The following PPP6R2 variants were observed in gnomAD, a reference collection of about 807,000 sequenced individuals.
The protein encoded by PPP6R2 is protein phosphatase 6 regulatory subunit 2.
Under a neutral mutation model 100.2 loss-of-function variants are expected in PPP6R2, and 62 were observed. The ratio of observed to expected loss-of-function variants is 0.62; its 90% confidence interval spans 0.50 to 0.76. The LOEUF (loss-of-function observed/expected upper bound fraction) is 0.76. Among genes scored for constraint, PPP6R2 ranks in the 30% least tolerant of loss-of-function variants. The pLI is 0.00. For synonymous variants in PPP6R2, 525 were observed against 514.7 expected (o/e 1.02, Z -0.27); for missense variants, 1,142 against 1,276.3 (o/e 0.89, Z 1.60).
chr22:50,351,039 T>G (rs28822092), intron 1 of PPP6R2, among the ~76,000 whole-genome samples: 35,572 of 104,810 alleles, frequency 0.34, 5,795 homozygotes, highest in East Asian at 0.45. Context: ...TTTTTTTTTT[T>G]TTTTTTTTTT....
intron 2 of PPP6R2, among the ~76,000 whole-genome samples, chr22:50,385,172 A>G (rs2053953951): frequency 1.3e-5 from 2 of 152,112 alleles, no homozygotes; most frequent in South Asian, 2.1e-4. Context: ...CTACCTTTCA[A>G]TACTGCCACA....
chr22:50,419,484 C>T (rs376203083), intron 8 of PPP6R2, 22 bp downstream of exon 8: 45 of 1,558,148 alleles, frequency 2.9e-5, no homozygotes, highest in African/African-American at 8.1e-5. Flanking sequence ...GAGGAGAAAT[C>T]GTGTAGAGCT....
chr22:50,357,231 T>C (rs1488865000), intron 1 of PPP6R2, among the ~76,000 whole-genome samples: 1 of 152,220 alleles, frequency 6.6e-6, no homozygotes, highest in Non-Finnish European at 1.5e-5. Context: ...TGTTCTTTTA[T>C]TCACTTTTAG....
intron 1 of PPP6R2, among the ~76,000 whole-genome samples, chr22:50,347,999 G>GCT (rs2044163800): frequency 6.6e-6 from 1 of 152,168 alleles, no homozygotes; most frequent in South Asian, 2.1e-4. Flanking sequence ...GTGAGAGGCA[G>GCT]CTAGCTTTGA....
chr22:50,340,755 C>G (rs1045367965), upstream of PPP6R2, among the ~76,000 whole-genome samples: 1 of 149,990 alleles, frequency 6.7e-6, no homozygotes, highest in Admixed American at 7.1e-5. Context: ...CAGCAGCCAA[C>G]GGCGGGAGGT....
At chr22:50,392,625 T>A (rs187790010) in intron 2 of PPP6R2, among the ~76,000 whole-genome samples, 117 of 152,262 alleles carry the variant, frequency 7.7e-4, no homozygotes, top group African/African-American at 2.8e-3. Flanking sequence ...AAATGCAGCA[T>A]CCTTGTAGTG....
chr22:50,338,874 AGTGT>A (rs553855768), upstream of PPP6R2, among the ~76,000 whole-genome samples: 2 of 57,270 alleles, frequency 3.5e-5, no homozygotes, highest in African/African-American at 1.4e-4. Flanking sequence ...TGTGGTATGT[AGTGT>A]GTGTGTTATG....
intron 1 of PPP6R2, among the ~76,000 whole-genome samples, chr22:50,359,346 G>A (rs2047320849): frequency 6.6e-6 from 1 of 151,560 alleles, no homozygotes. Flanking sequence ...AGCCTCCCGA[G>A]CAGCTGGGAC....
At chr22:50,422,503 C>T (rs7410368) in intron 9 of PPP6R2, 123 bp downstream of exon 9, 285,683 of 1,316,674 alleles carry the variant, frequency 0.22, 32,125 homozygotes, top group East Asian at 0.25. Flanking sequence ...TGTTCTAAGA[C>T]GGCCATTCCC....
At chr22:50,438,378 C>A in intron 18 of PPP6R2, 80 bp downstream of exon 18, 1 of 1,549,936 alleles carries the variant, frequency 6.5e-7, no homozygotes, top group South Asian at 1.3e-5. Context: ...CCCTGTGGTT[C>A]GTTAGCTGGC....
At chr22:50,406,602 C>T in intron 3 of PPP6R2, 87 bp from the exon 4 acceptor site, 1 of 1,298,768 alleles carries the variant, frequency 7.7e-7, no homozygotes, top group Non-Finnish European at 1.1e-6. Context: ...CGTGGGTCTG[C>T]TTCCTAAGAA....
In PPP6R2 at chr22:50,406,696, A is replaced by G; in HGVS notation, c.235A>G (p.Asn79Asp). ...TGGACTGTGCCCTTTTAGATATCCA[A>G]ACACAGCCTGTGAGCTTCTGACTTG... Reference protein sequence around the residue: ...MEEKVRFKYPNTACELLTCDV... With the variant: ...MEEKVRFKYPDTACELLTCDV... The change falls in exon 4 of 24, where the codon AAC becomes GAC. Residue 79 changes from asparagine (N) to aspartate (D), a missense_variant. Coordinates refer to ENST00000612753, the MANE Select transcript of PPP6R2 (RefSeq NM_001242898.2). 6.8e-6 allele frequency: 11 copies of G among 1,613,306 alleles called. No individual in the cohort carries two copies. Among genetic ancestry groups the G allele is most frequent in the South Asian group, 1.1e-5 (1 of 91,058 alleles).
In PPP6R2 at chr22:50,444,056, A is replaced by G; in HGVS notation, c.2770A>G (p.Ile924Val). 5 of 1,613,018 alleles carry G rather than the reference A, an allele frequency of 3.1e-6. No individual in the cohort carries two copies. The highest frequency in any genetic ancestry group is 3.4e-6 in the Non-Finnish European group (4 of 1,179,694). The change falls in exon 23 of 24, where the codon ATC (isoleucine) becomes GTC (valine). Residue 924 changes from isoleucine to valine, a missense_variant. Around this residue, in one of 2 missense-constraint regions of PPP6R2, gnomAD observed 550 missense variants for 517.4 expected, o/e 1.06. Transcript: ENST00000612753. ...ALAVAVPLGPIMAVTAAPAMV... is the reference protein window; with the variant it reads ...ALAVAVPLGPVMAVTAAPAMV... ...GGCCGTGGCGGTCCCCCTAGGGCCCATCATGGCAGTCACAGCAGCCCCAGC... is the reference window on the plus strand; with the variant it reads ...GGCCGTGGCGGTCCCCCTAGGGCCCGTCATGGCAGTCACAGCAGCCCCAGC...
the PPP6R2 span, among the ~76,000 whole-genome samples, chr22:50,335,201 G>A: frequency 5.5e-5 from 8 of 146,410 alleles, no homozygotes; most frequent in South Asian, 2.2e-4. Flanking sequence ...ACAGGTGCCC[G>A]CCACAACACC....
chr22:50,338,575 T>C (rs2042330170), upstream of PPP6R2, among the ~76,000 whole-genome samples: 1 of 141,286 alleles, frequency 7.1e-6, no homozygotes, highest in Non-Finnish European at 1.5e-5. Flanking sequence ...GTGTGTTTGG[T>C]GTGGTGTGTG....
chr22:50,352,876 G>C (rs972723207), intron 1 of PPP6R2, among the ~76,000 whole-genome samples: 1 of 152,024 alleles, frequency 6.6e-6, no homozygotes, highest in African/African-American at 2.4e-5. Flanking sequence ...AGACCAACCT[G>C]AGTAATACAG....
intron 1 of PPP6R2, among the ~76,000 whole-genome samples, chr22:50,350,067 AAG>A (rs2044685181): frequency 1.3e-5 from 2 of 151,998 alleles, no homozygotes; most frequent in Admixed American, 6.6e-5. Context: ...GCACTGAGCC[AAG>A]ATTGTGCCAC....
intron 2 of PPP6R2, among the ~76,000 whole-genome samples, chr22:50,391,687 G>T (rs1365928747): frequency 1.4e-5 from 2 of 147,068 alleles, no homozygotes; most frequent in Non-Finnish European, 3.0e-5. Context: ...TTGAATTTAT[G>T]TCTGGTATCT....
intron 2 of PPP6R2, among the ~76,000 whole-genome samples, chr22:50,384,549 C>G (rs1055452053): frequency 5.3e-5 from 8 of 151,960 alleles, no homozygotes; most frequent in African/African-American, 1.9e-4. Context: ...AGCGAGACTC[C>G]GTCTCAAAAA....
Sources: gnomAD v4.1 joint callset for allele counts (sites outside exome capture counted in the v4.1 genomes callset) on GRCh38, gnomAD v4.1.1 for gene constraint, gnomAD v4.1.1 regional missense constraint, MANE v1.5 for transcripts, NCBI Gene and HGNC (gene_info 2026-07-23, HGNC 2026-07-21) for gene names.